GLI2: variants seen among roughly 807,000 people sequenced by gnomAD.
The protein encoded by GLI2 is GLI family zinc finger 2, also known as transcription activator GLI2.
GLI2 carries 22 observed loss-of-function variants against 78.9 expected under a neutral mutation model. The observed-to-expected ratio is 0.28, with a 90% CI of 0.20 to 0.40. The LOEUF (loss-of-function observed/expected upper bound fraction) is 0.40, where lower values mean the gene tolerates loss of function less well. Among genes scored for constraint, GLI2 ranks in the 10% least tolerant of loss-of-function variants. The probability of loss-of-function intolerance (pLI) is 1.00; values close to 1 mark genes in which losing one functional copy is unlikely to be tolerated. For missense variants in GLI2, 2,097 were observed against 2,213.2 expected (o/e 0.95, Z 1.05); for synonymous variants, 974 against 963.7 (o/e 1.01, Z -0.20).
intron 1 of GLI2, chr2:120,792,156 G>T (rs925024684): frequency 7.9e-5 from 12 of 152,244 alleles, no homozygotes; most frequent in African/African-American, 2.9e-4. Flanking sequence ...TGGCGGGAGG[G>T]TGTCTGGGAT....
intron 2 of GLI2, among the ~76,000 whole-genome samples, chr2:120,870,342 C>G (rs1688363760): frequency 1.3e-5 from 2 of 152,328 alleles, no homozygotes; most frequent in South Asian, 4.1e-4. Flanking sequence ...AACCTCATGG[C>G]TGTAGATTAC....
intron 2 of GLI2, among the ~76,000 whole-genome samples, chr2:120,923,386 A>G (rs1278571331): frequency 1.3e-5 from 2 of 152,264 alleles, no homozygotes; most frequent in South Asian, 2.1e-4. Context: ...ACACACAGCA[A>G]CACATGCATA....
intron 2 of GLI2, among the ~76,000 whole-genome samples, chr2:120,923,412 T>C (rs1198294943): frequency 6.6e-6 from 1 of 151,014 alleles, no homozygotes; most frequent in Non-Finnish European, 1.5e-5. Flanking sequence ...TGCATGTACA[T>C]ATACACAGCA....
chr2:120,788,510 C>G (rs539592804), intron 1 of GLI2, among the ~76,000 whole-genome samples: 2 of 152,220 alleles, frequency 1.3e-5, no homozygotes, highest in Non-Finnish European at 2.9e-5. Context: ...GTCTTACCCA[C>G]AGCTTCCCAG....
At chr2:120,861,761 C>T (rs973738756) in intron 2 of GLI2, among the ~76,000 whole-genome samples, 2 of 152,168 alleles carry the variant, frequency 1.3e-5, no homozygotes, top group Non-Finnish European at 2.9e-5. Flanking sequence ...GGCTGTCCAC[C>T]GCAGAAATGT....
At chr2:120,940,211 C>A (rs766703533) in intron 3 of GLI2, among the ~76,000 whole-genome samples, 2 of 152,208 alleles carry the variant, frequency 1.3e-5, no homozygotes, top group Non-Finnish European at 2.9e-5. Flanking sequence ...TCTCCCAGTT[C>A]GTGCCTGGTC....
At chr2:120,775,756 G>A (rs994802314) in intron 1 of GLI2, among the ~76,000 whole-genome samples, 4 of 152,232 alleles carry the variant, frequency 2.6e-5, no homozygotes, top group African/African-American at 7.2e-5. Flanking sequence ...ATGAGGGTGG[G>A]CATGCTGTCA....
At chr2:120,889,431 G>C (rs1278660242) in intron 2 of GLI2, among the ~76,000 whole-genome samples, 1 of 152,156 alleles carries the variant, frequency 6.6e-6, no homozygotes, top group Non-Finnish European at 1.5e-5. Context: ...GCCAGGCACA[G>C]GACTCTTAGA....
At chr2:120,944,278 A>G (rs6541753) in intron 3 of GLI2, among the ~76,000 whole-genome samples, 127,557 of 152,084 alleles carry the variant, frequency 0.84, 57,441 homozygotes, top group East Asian at 1. Flanking sequence ...AGCTGCTTCC[A>G]TTTGCTCATC....
chr2:120,958,235 C>T (rs1269477646), intron 5 of GLI2, among the ~76,000 whole-genome samples: 1 of 152,180 alleles, frequency 6.6e-6, no homozygotes, highest in Non-Finnish European at 1.5e-5. Context: ...CACATGTGAG[C>T]CTGGCCCAGT....
intron 4 of GLI2, among the ~76,000 whole-genome samples, chr2:120,954,619 G>C (rs962432094): frequency 6.6e-6 from 1 of 152,138 alleles, no homozygotes; most frequent in Non-Finnish European, 1.5e-5. Context: ...GCTCCCATTT[G>C]TTTCCTGACA....
intron 2 of GLI2, among the ~76,000 whole-genome samples, chr2:120,870,409 G>A: frequency 6.6e-6 from 1 of 152,228 alleles, no homozygotes. Flanking sequence ...AGATGAATGA[G>A]TGGTGAGAAG....
At chr2:120,931,165 T>C (rs999789326) in intron 3 of GLI2, among the ~76,000 whole-genome samples, 14 of 152,254 alleles carry the variant, frequency 9.2e-5, no homozygotes, top group African/African-American at 3.4e-4. Context: ...ATAAGTCTTA[T>C]GGTACTTAAA....
chr2:120,788,027 G>A (rs1684045824), intron 1 of GLI2, among the ~76,000 whole-genome samples: 1 of 152,216 alleles, frequency 6.6e-6, no homozygotes, highest in Admixed American at 6.5e-5. Flanking sequence ...CTGCTCAGGG[G>A]CAGGCCTTCT....
intron 3 of GLI2, among the ~76,000 whole-genome samples, chr2:120,947,169 C>T (rs570437008): frequency 6.6e-6 from 1 of 152,202 alleles, no homozygotes. Context: ...ACCCTGAGCC[C>T]TGCTTACCAC....
At chr2:120,917,505 T>C (rs1272884448) in intron 2 of GLI2, among the ~76,000 whole-genome samples, 2 of 152,266 alleles carry the variant, frequency 1.3e-5, no homozygotes, top group Non-Finnish European at 2.9e-5. Flanking sequence ...TGCCCAGCCT[T>C]GCCCTCCTTG....
chr2:120,942,974 AC>A (rs1680534573), intron 3 of GLI2, among the ~76,000 whole-genome samples: 2 of 138,590 alleles, frequency 1.4e-5, no homozygotes, highest in Non-Finnish European at 3.1e-5. Context: ...TCACGCCCTC[AC>A]TCACTCATTC....
intron 2 of GLI2, among the ~76,000 whole-genome samples, chr2:120,822,055 C>T (rs911244482): frequency 2.6e-5 from 4 of 152,214 alleles, no homozygotes; most frequent in Admixed American, 1.3e-4. Flanking sequence ...TAAGACCGGG[C>T]GGTGGGCCGA....
chr2:120,956,100 T>G (rs189039694), intron 5 of GLI2, among the ~76,000 whole-genome samples: 13 of 151,902 alleles, frequency 8.6e-5, no homozygotes, highest in African/African-American at 3.1e-4. Context: ...CGTGCTGATG[T>G]GAGAATTGAT....
Sources: gnomAD v4.1 joint callset for allele counts (sites outside exome capture counted in the v4.1 genomes callset) on GRCh38, gnomAD v4.1.1 for gene constraint, MANE v1.5 for transcripts, NCBI Gene and HGNC (gene_info 2026-07-23, HGNC 2026-07-21) for gene names.